KANK4: variants seen among roughly 807,000 people sequenced by gnomAD.
The protein encoded by KANK4 is KN motif and ankyrin repeat domain-containing protein 4.
A neutral mutation model predicts 80.8 loss-of-function variants in KANK4; 50 were observed. The ratio of observed to expected loss-of-function variants is 0.62; its 90% CI spans 0.49 to 0.78. The LOEUF (loss-of-function observed/expected upper bound fraction) is 0.78, where lower values mean the gene tolerates loss of function less well. Among genes scored for constraint, KANK4 ranks in the 30% least tolerant of loss-of-function variants. KANK4 has a pLI of 0.00. For synonymous variants in KANK4, 465 were observed against 506.9 expected, an observed-to-expected ratio of 0.92 and a Z score of 1.11; for missense variants, 1,196 against 1,240.1, an observed-to-expected ratio of 0.96 and a Z score of 0.53.
chr1:62,313,240 G>A (rs1644511956), intron 1 of KANK4, among the ~76,000 whole-genome samples: 1 of 152,174 alleles, frequency 6.6e-6, no homozygotes, highest in African/African-American at 2.4e-5. Flanking sequence ...TACTATCCAT[G>A]GTTTTAGGCA....
chr1:62,256,447 G>C (rs975732802), intron 7 of KANK4, among the ~76,000 whole-genome samples: 1 of 150,622 alleles, frequency 6.6e-6, no homozygotes, highest in South Asian at 2.1e-4. Flanking sequence ...GTGCAATGCT[G>C]CTATCTCAGC....
At chr1:62,318,777 A>C (rs1478881436) in intron 1 of KANK4, among the ~76,000 whole-genome samples, 2 of 151,974 alleles carry the variant, frequency 1.3e-5, no homozygotes, top group Non-Finnish European at 2.9e-5. Context: ...CCCCCTCCTC[A>C]CCAGTGTTCT....
intron 8 of KANK4, among the ~76,000 whole-genome samples, chr1:62,248,678 G>A (rs573579964): frequency 6.6e-6 from 1 of 151,686 alleles, no homozygotes; most frequent in Non-Finnish European, 1.5e-5. Flanking sequence ...CCAAGTAGCT[G>A]GGATTACAGG....
At chr1:62,251,907 G>C (rs983652346) in intron 8 of KANK4, among the ~76,000 whole-genome samples, 2 of 151,136 alleles carry the variant, frequency 1.3e-5, no homozygotes, top group African/African-American at 4.9e-5. Context: ...CGGAAGAATC[G>C]CTTGAACCCA....
At chr1:62,280,642 G>A (rs969906791) in intron 2 of KANK4, among the ~76,000 whole-genome samples, 1 of 152,202 alleles carries the variant, frequency 6.6e-6, no homozygotes, top group Non-Finnish European at 1.5e-5. Flanking sequence ...GGAGATTGGG[G>A]TCTAGACTGT....
intron 1 of KANK4, among the ~76,000 whole-genome samples, chr1:62,284,680 C>T (rs898817593): frequency 6.6e-6 from 1 of 152,168 alleles, no homozygotes; most frequent in African/African-American, 2.4e-5. Flanking sequence ...CCTTTAAATA[C>T]CTGGTGTTAT....
intron 4 of KANK4, among the ~76,000 whole-genome samples, chr1:62,270,802 A>G (rs1672143114): frequency 6.6e-6 from 1 of 152,182 alleles, no homozygotes; most frequent in Non-Finnish European, 1.5e-5. Flanking sequence ...GGGCTTCCAC[A>G]GCATCCTGTG....
chr1:62,279,520 G>T (rs556188168), intron 2 of KANK4, among the ~76,000 whole-genome samples: 8 of 152,320 alleles, frequency 5.3e-5, no homozygotes, highest in Admixed American at 4.6e-4. Context: ...GGCCAACCTG[G>T]CTGGATTTGA....
rs188896091 is a variant in KANK4, at chr1:62,249,688, G to A, written c.2683-2016C>T. On this transcript the variant is annotated intron_variant, in intron 8 of 9. Coordinates refer to ENST00000371153, the MANE Select transcript of KANK4 (RefSeq NM_181712.5). Reference sequence around the variant, plus strand: ...CTCCCGAGTAGCTGGGATTACGGGCGCCCACCATTACGCCAGGCTAATTTT... The same window carrying A: ...CTCCCGAGTAGCTGGGATTACGGGCACCCACCATTACGCCAGGCTAATTTT... 2.5e-3 allele frequency among the ~76,000 whole-genome samples: 381 copies of A among 151,750 alleles called. 1 individual carries two copies. Among genetic ancestry groups the A allele is most frequent in the African/African-American group, 8.9e-3 (368 of 41,372 alleles).
intron 1 of KANK4, among the ~76,000 whole-genome samples, chr1:62,313,725 G>A (rs905500860): frequency 2.0e-5 from 3 of 152,080 alleles, no homozygotes; most frequent in Admixed American, 6.6e-5. Flanking sequence ...GGGAGGGAGA[G>A]CATTAGGACA....
At chr1:62,292,823 G>A (rs986218260) in intron 1 of KANK4, among the ~76,000 whole-genome samples, 4 of 152,152 alleles carry the variant, frequency 2.6e-5, no homozygotes, top group Admixed American at 1.3e-4. Flanking sequence ...CAACAGACAC[G>A]GGTTCAAATG....
chr1:62,272,721 TC>T (rs1672192306), intron 3 of KANK4: 1 of 151,866 alleles, frequency 6.6e-6, no homozygotes, highest in African/African-American at 2.4e-5. Flanking sequence ...AGAGTAGAGG[TC>T]CCGAGCCTCC....
At chr1:62,260,040 T>C (rs17123248) in intron 7 of KANK4, among the ~76,000 whole-genome samples, 2,180 of 152,216 alleles carry the variant, frequency 0.014, 47 homozygotes, top group African/African-American at 0.05. Flanking sequence ...GATTCTACTC[T>C]CACTTTCCTG....
intron 1 of KANK4, among the ~76,000 whole-genome samples, chr1:62,316,470 T>C (rs1644541137): frequency 6.6e-6 from 1 of 152,198 alleles, no homozygotes; most frequent in African/African-American, 2.4e-5. Flanking sequence ...GAAGGAGCTT[T>C]AAACTGCAAG....
rs141425340 is a variant in KANK4 at position 62,247,492 on chromosome 1, C to T, written c.2863G>A (p.Asp955Asn). The T allele has an allele frequency of 4.0e-5, 65 of 1,613,972 alleles. No individual in the cohort carries two copies. In the African/African-American group the frequency reaches 5.1e-4, roughly 13 times the overall value. ...CTCACCTTGTCAGTCAGGCTGCTGTCGCAGGCTGGGTGTGCCAGGAGCAGC... is the reference window on the plus strand; with the variant it reads ...CTCACCTTGTCAGTCAGGCTGCTGTTGCAGGCTGGGTGTGCCAGGAGCAGC... ...VRLLLAHPAC[D>N]SSLTDKAGRT... The change falls in exon 9 of 10, where the codon GAC becomes AAC. Residue 955 changes from aspartate to asparagine, a missense_variant. Asp to Asn is a conservative substitution (Grantham distance 23). Around this residue, in one of 3 missense-constraint regions of KANK4, gnomAD observed 1,154 missense variants for 1,179.6 expected, o/e 0.98. Coordinates refer to ENST00000371153, the MANE Select transcript of KANK4 (RefSeq NM_181712.5).
chr1:62,258,347 G>C (rs1671797920), intron 7 of KANK4, among the ~76,000 whole-genome samples: 1 of 152,184 alleles, frequency 6.6e-6, no homozygotes, highest in Non-Finnish European at 1.5e-5. Flanking sequence ...ACAGAACACA[G>C]AGCCATGCTC....
chr1:62,281,432 T>C, intron 2 of KANK4, 117 bp downstream of exon 2: 2 of 1,235,820 alleles, frequency 1.6e-6, no homozygotes, highest in Middle Eastern at 2.0e-4. Flanking sequence ...CAGCACTGCC[T>C]GTTTGAGGGA....
intron 2 of KANK4, among the ~76,000 whole-genome samples, chr1:62,276,885 A>G (rs1000801096): frequency 6.6e-6 from 1 of 152,234 alleles, no homozygotes; most frequent in Non-Finnish European, 1.5e-5. Context: ...CAAAATATAG[A>G]CAATGGAAGC....
At position 62,273,729 on chromosome 1, in the gene KANK4, C is replaced by T; in HGVS notation, c.1375G>A (p.Asp459Asn). ...GEENGLLWGP[D>N]GHKQGNQSPA... ...CTCTGATTCCCTTGTTTATGACCAT[C>T]TGGCCCCCATAGGAGGCCATTCTCC... Residue 459 changes from aspartate (D) to asparagine (N), a missense_variant, in exon 3 of 10, where the codon GAT (aspartate) becomes AAT (asparagine). Physicochemically the swap from Asp to Asn is conservative, Grantham distance 23. Around this residue, in one of 3 missense-constraint regions of KANK4, gnomAD observed 1,154 missense variants for 1,179.6 expected, o/e 0.98. Coordinates refer to ENST00000371153, the MANE Select transcript of KANK4 (RefSeq NM_181712.5). 6.2e-7 allele frequency: 1 copy of T among 1,614,130 alleles called. No individual in the cohort carries two copies.
Sources: gnomAD v4.1 joint callset for allele counts (sites outside exome capture counted in the v4.1 genomes callset) on GRCh38, gnomAD v4.1.1 for gene constraint, gnomAD v4.1.1 regional missense constraint, MANE v1.5 for transcripts, NCBI Gene and HGNC (gene_info 2026-07-23, HGNC 2026-07-21) for gene names.